The following KIAA1958 variants were observed in gnomAD, a reference collection of about 807,000 sequenced individuals.
KIAA1958 encodes KIAA1958.
In KIAA1958, 14 loss-of-function variants were observed where a neutral mutation model predicts 47.2. The ratio of observed to expected loss-of-function variants is 0.30; its 90% CI spans 0.20 to 0.46. The LOEUF (loss-of-function observed/expected upper bound fraction) is 0.46. Among genes scored for constraint, KIAA1958 ranks in the 20% least tolerant of loss-of-function variants. The pLI is 1.00. For missense variants in KIAA1958, 803 were observed against 909.2 expected, an observed-to-expected ratio of 0.88 and a Z score of 1.50; for synonymous variants, 354 against 353.3, an observed-to-expected ratio of 1.00 and a Z score of -0.02.
chr9:112,607,400 C>G (rs973297696), intron 2 of KIAA1958, among the ~76,000 whole-genome samples: 18 of 151,764 alleles, frequency 1.2e-4, no homozygotes, highest in Admixed American at 5.2e-4. Context: ...AGAGAGACCT[C>G]AGTTTTCCAC....
chr9:112,652,262 A>G (rs891984595), intron 3 of KIAA1958, among the ~76,000 whole-genome samples: 2 of 152,182 alleles, frequency 1.3e-5, no homozygotes, highest in South Asian at 2.1e-4. Flanking sequence ...AGCCAATTTT[A>G]TCATCCATAG....
At chr9:112,648,860 G>C (rs1354878907) in intron 3 of KIAA1958, among the ~76,000 whole-genome samples, 1 of 152,164 alleles carries the variant, frequency 6.6e-6, no homozygotes, top group Non-Finnish European at 1.5e-5. Context: ...GACGTGCAAT[G>C]AAGCAAGAAA....
chr9:112,540,213 G>A lies in KIAA1958; in HGVS notation c.-24-33844G>A, dbSNP rs1834917681. ...TGGGTTATCAAGATAGGAGGGTGCTGATATGGGGAAAGAGGGATTCGAGGG... is the reference window on the plus strand; with the variant it reads ...TGGGTTATCAAGATAGGAGGGTGCTAATATGGGGAAAGAGGGATTCGAGGG... On this transcript the variant is annotated intron_variant, in intron 1 of 3. Coordinates refer to ENST00000337530, the MANE Select transcript of KIAA1958 (RefSeq NM_133465.4). Among the ~76,000 whole-genome samples, 3 of 152,156 alleles carry A rather than the reference G, an allele frequency of 2.0e-5. No homozygotes were observed. The South Asian group carries it at 6.2e-4, about 32-fold the overall frequency.
chr9:112,501,723 C>T (rs1430784602), intron 1 of KIAA1958, among the ~76,000 whole-genome samples: 2 of 152,184 alleles, frequency 1.3e-5, no homozygotes, highest in Non-Finnish European at 2.9e-5. Context: ...AGATTCGAAA[C>T]CCTAATGCTA....
At position 112,665,986 on chromosome 9, in the gene KIAA1958, T is replaced by C. The variant is rs1837346994; in HGVS notation, c.*5917T>C. 6.7e-6 allele frequency: 1 copy of C among 149,568 alleles called. No homozygotes were observed. Among genetic ancestry groups the C allele is most frequent in the Non-Finnish European group, 1.5e-5 (1 of 67,898 alleles). 9.3% of individuals were successfully genotyped at this position (149,568 alleles called of 1,614,324 possible). A position where few individuals can be genotyped will look rare whatever the true frequency, so the allele number is the denominator to read the frequency against. On this transcript the variant is annotated 3_prime_UTR_variant, in exon 4 of 4. Transcript: ENST00000337530. ...GCTATAGCACTGTCATAGAAAAATA[T>C]ACCTTTTTTTTTTTTTGAGACTCAG...
intron 2 of KIAA1958, among the ~76,000 whole-genome samples, chr9:112,598,834 T>C (rs1836079161): frequency 6.6e-6 from 1 of 152,110 alleles, no homozygotes; most frequent in Non-Finnish European, 1.5e-5. Context: ...ACTTTGACTT[T>C]GGGAGGCCTG....
chr9:112,644,973 A>C (rs1218205998), intron 2 of KIAA1958, among the ~76,000 whole-genome samples: 1 of 151,802 alleles, frequency 6.6e-6, no homozygotes, highest in Non-Finnish European at 1.5e-5. Context: ...CCATCTACTA[A>C]AAATATAAAA....
At chr9:112,574,015 C>T (rs1044541478) in intron 1 of KIAA1958, 42 bp from the exon 2 acceptor site, 1 of 1,039,506 alleles carries the variant, frequency 9.6e-7, no homozygotes, top group African/African-American at 1.6e-5. Context: ...ATAGGATTAT[C>T]TTGGGTAATA....
intron 1 of KIAA1958, among the ~76,000 whole-genome samples, chr9:112,516,389 A>T (rs1007401273): frequency 6.6e-6 from 1 of 152,256 alleles, no homozygotes; most frequent in African/African-American, 2.4e-5. Context: ...ATTTAGCGAT[A>T]AAGCTAATAA....
At chr9:112,594,483 G>T (rs1432155103) in intron 2 of KIAA1958, among the ~76,000 whole-genome samples, 1 of 152,134 alleles carries the variant, frequency 6.6e-6, no homozygotes, top group Non-Finnish European at 1.5e-5. Flanking sequence ...AAGTGCAATT[G>T]TACAATAGGT....
intron 1 of KIAA1958, among the ~76,000 whole-genome samples, chr9:112,551,893 A>T (rs904075873): frequency 1.3e-5 from 2 of 152,204 alleles, no homozygotes; most frequent in Admixed American, 6.5e-5. Context: ...GCAGTTCTCT[A>T]GCATTGTTAA....
chr9:112,579,375 T>A (rs1835700372), intron 2 of KIAA1958, among the ~76,000 whole-genome samples: 1 of 152,150 alleles, frequency 6.6e-6, no homozygotes, highest in South Asian at 2.1e-4. Context: ...TTTTATGGTT[T>A]TCTTTCTCTC....
rs139390384 is a variant in KIAA1958, at chr9:112,659,469, G to C, written c.1551G>C (p.Leu517=). ...AACTCAAGGAGAAGCTGTGGGTGCT[G>C]AGTAAGGCAGGCATGTCGGGCGCGC... ...TKKLKEKLWV[L]SKAGMSGARS... The change falls in exon 4 of 4, where the codon CTG becomes CTC. Residue 517 remains leucine (L), a synonymous_variant. Coordinates refer to ENST00000337530, the MANE Select transcript of KIAA1958 (RefSeq NM_133465.4). 116 of 1,613,942 alleles carry C rather than the reference G, an allele frequency of 7.2e-5. No homozygotes were observed. In the East Asian group the frequency reaches 2.4e-3, roughly 33 times the overall value.
chr9:112,513,323 T>C (rs1834354671), intron 1 of KIAA1958, among the ~76,000 whole-genome samples: 1 of 142,478 alleles, frequency 7.0e-6, no homozygotes, highest in African/African-American at 2.6e-5. Flanking sequence ...GTGTCTTGCA[T>C]TTAGCAAGTG....
intron 2 of KIAA1958, among the ~76,000 whole-genome samples, chr9:112,622,705 G>A (rs1216169794): frequency 6.6e-6 from 1 of 152,050 alleles, no homozygotes; most frequent in Non-Finnish European, 1.5e-5. Flanking sequence ...AAATCTTCTG[G>A]CATACATTTG....
At chr9:112,591,374 A>G (rs1326888123) in intron 2 of KIAA1958, among the ~76,000 whole-genome samples, 1 of 151,754 alleles carries the variant, frequency 6.6e-6, no homozygotes, top group East Asian at 2.0e-4. Context: ...GTGAGCCACC[A>G]CACCTGGCTG....
intron 2 of KIAA1958, among the ~76,000 whole-genome samples, chr9:112,575,793 A>T (rs183243606): frequency 2.0e-3 from 310 of 152,318 alleles, no homozygotes; most frequent in Non-Finnish European, 2.9e-3. Context: ...CTTAAAATTT[A>T]AAAGAATATG....
chr9:112,588,445 A>T (rs528742344), intron 2 of KIAA1958, among the ~76,000 whole-genome samples: 1 of 152,142 alleles, frequency 6.6e-6, no homozygotes, highest in South Asian at 2.1e-4. Flanking sequence ...ACTGTATTTC[A>T]TTACATCTGA....
At chr9:112,604,767 C>T (rs1836195888) in intron 2 of KIAA1958, among the ~76,000 whole-genome samples, 1 of 151,924 alleles carries the variant, frequency 6.6e-6, no homozygotes, top group African/African-American at 2.4e-5. Context: ...TTGGGATGTT[C>T]ATCCTTTGAA....
Sources: gnomAD v4.1 joint callset for allele counts (sites outside exome capture counted in the v4.1 genomes callset) on GRCh38, gnomAD v4.1.1 for gene constraint, MANE v1.5 for transcripts, NCBI Gene and HGNC (gene_info 2026-07-23, HGNC 2026-07-21) for gene names.